Variants in SASH1 observed in about 807,000 individuals in gnomAD.
SASH1 encodes the protein SAM and SH3 domain-containing protein 1.
SASH1 carries 44 observed loss-of-function variants against 125.2 expected under a neutral mutation model. The observed-to-expected ratio is 0.35, with a 90% CI of 0.28 to 0.45. The LOEUF is 0.45. SASH1 is among the 20% of genes least tolerant of loss of function. The pLI is 1.00. For missense variants in SASH1, 1,426 were observed against 1,614.5 expected, an observed-to-expected ratio of 0.88 and a Z score of 2.00; for synonymous variants, 639 against 649.1, an observed-to-expected ratio of 0.98 and a Z score of 0.24.
intron 2 of SASH1, among the ~76,000 whole-genome samples, chr6:148,424,214 C>T (rs374649193): frequency 2.0e-5 from 3 of 150,576 alleles, no homozygotes; most frequent in Non-Finnish European, 4.4e-5. Flanking sequence ...CTTTTAGAGA[C>T]GGTGTCTTGT....
Position 148,543,928 on chromosome 6 carries a change from C to A in SASH1, c.2458C>A (p.Arg820=). 6.2e-7 allele frequency: 1 copy of A among 1,614,178 alleles called. No individual in the cohort carries two copies. Among genetic ancestry groups the A allele is most frequent in the South Asian group, 1.1e-5 (1 of 91,074 alleles). ...NRRSLPVSIC[R]SCETLEGPQT... Reference sequence around the variant, plus strand: ...AAGAAGCCTCCCAGTTTCCATCTGCCGGAGCTGTGAGACCCTGGAGGGCCC... The same window carrying A: ...AAGAAGCCTCCCAGTTTCCATCTGCAGGAGCTGTGAGACCCTGGAGGGCCC... Residue 820 remains arginine, a synonymous_variant, in exon 18 of 20, where the codon CGG becomes AGG. Transcript: ENST00000367467.
At chr6:148,276,276 G>T (rs1298642858) in intron 1 of SASH1, among the ~76,000 whole-genome samples, 1 of 152,184 alleles carries the variant, frequency 6.6e-6, no homozygotes, top group Non-Finnish European at 1.5e-5. Flanking sequence ...CAAAGTGAAA[G>T]ATAAATGTTA....
chr6:148,450,544 A>T (rs1359141374), intron 4 of SASH1, among the ~76,000 whole-genome samples: 3 of 150,150 alleles, frequency 2.0e-5, no homozygotes, highest in South Asian at 2.1e-4. Flanking sequence ...CTCTCCTTGG[A>T]CTCTAGTAGC....
the SASH1 span, among the ~76,000 whole-genome samples, chr6:148,235,148 G>C: frequency 6.6e-6 from 1 of 152,130 alleles, no homozygotes; most frequent in South Asian, 2.1e-4. Flanking sequence ...CGTGTCAATG[G>C]TAATCACATA....
chr6:148,437,724 A>G (rs1776354708), intron 2 of SASH1, among the ~76,000 whole-genome samples: 3 of 152,242 alleles, frequency 2.0e-5, no homozygotes, highest in Non-Finnish European at 2.9e-5. Context: ...GTTTCTTTAA[A>G]AAAAAAAATT....
intron 1 of SASH1, among the ~76,000 whole-genome samples, chr6:148,297,024 T>C (rs987993646): frequency 2.0e-5 from 3 of 152,210 alleles, no homozygotes; most frequent in African/African-American, 7.2e-5. Flanking sequence ...GAAGAGAATC[T>C]CTTTACTGTT....
At chr6:148,355,425 G>C (rs186593552) in intron 1 of SASH1, among the ~76,000 whole-genome samples, 38 of 152,316 alleles carry the variant, frequency 2.5e-4, no homozygotes, top group Middle Eastern at 3.4e-3. Context: ...GAGACTTCAT[G>C]ATGAGCATTA....
At chr6:148,472,364 T>C (rs981622331) in intron 6 of SASH1, among the ~76,000 whole-genome samples, 1 of 152,106 alleles carries the variant, frequency 6.6e-6, no homozygotes, top group Non-Finnish European at 1.5e-5. Context: ...GGTTCTTTTT[T>C]CAAGTTGTCC....
At chr6:148,407,807 A>G (rs924567722) in intron 2 of SASH1, among the ~76,000 whole-genome samples, 3 of 151,878 alleles carry the variant, frequency 2.0e-5, no homozygotes, top group Non-Finnish European at 4.4e-5. Flanking sequence ...TAATTTTTGT[A>G]TTTTTGGTAG....
At chr6:148,369,783 A>G (rs1381353573) in intron 1 of SASH1, among the ~76,000 whole-genome samples, 18 of 151,670 alleles carry the variant, frequency 1.2e-4, no homozygotes, top group Non-Finnish European at 1.5e-5. Flanking sequence ...GCGAAACCCC[A>G]TCTCTACTAA....
At chr6:148,324,567 C>A (rs1780746958) in intron 1 of SASH1, among the ~76,000 whole-genome samples, 1 of 152,160 alleles carries the variant, frequency 6.6e-6, no homozygotes, top group African/African-American at 2.4e-5. Context: ...TCCACTCCAG[C>A]CTTATAGCCA....
chr6:148,333,191 A>G (rs75357030), intron 1 of SASH1, among the ~76,000 whole-genome samples: 12,523 of 151,950 alleles, frequency 0.082, 557 homozygotes, highest in African/African-American at 0.11. Flanking sequence ...CTTTAGCCCA[A>G]GGAGTTCGAG....
intron 4 of SASH1, among the ~76,000 whole-genome samples, chr6:148,448,115 A>AGAGAGAGTGTGTGTGTGT (rs374141600): frequency 6.8e-6 from 1 of 146,816 alleles, no homozygotes; most frequent in Non-Finnish European, 1.5e-5. Flanking sequence ...CAGTGGAGAG[A>AGAGAGAGTGTGTGTGTGT]GTGTGTGTGT....
chr6:148,511,324 T>TACACACACACACACACACACAC (rs58822082), intron 8 of SASH1, among the ~76,000 whole-genome samples: 2 of 135,384 alleles, frequency 1.5e-5, no homozygotes, highest in African/African-American at 2.8e-5. Context: ...AATTTTCTAT[T>TACACACACACACACACACACAC]ACACACACAC....
chr6:148,339,246 G>A (rs1237508904), upstream of SASH1, among the ~76,000 whole-genome samples: 4 of 152,002 alleles, frequency 2.6e-5, no homozygotes, highest in East Asian at 7.7e-4. Context: ...GTTTCACCAT[G>A]TTGGCCAGGA....
intron 1 of SASH1, among the ~76,000 whole-genome samples, chr6:148,320,027 A>T (rs1780599567): frequency 1.3e-5 from 2 of 152,188 alleles, no homozygotes; most frequent in Non-Finnish European, 2.9e-5. Context: ...ATGGCCCCAA[A>T]GTACAAGAGC....
chr6:148,301,326 CA>C lies in SASH1; in HGVS notation n.74+28970del, dbSNP rs746767710. Among the ~76,000 whole-genome samples the C allele has an allele frequency of 6.8e-3, 680 of 99,658 alleles. 4 individuals carry two copies. The highest frequency in any genetic ancestry group is 0.019 in the African/African-American group (492 of 25,694). The allele number at this position is 99,658 out of a possible 152,430, so 65.4% of individuals were successfully genotyped here. Reference sequence around the variant, plus strand: ...GGGCAACAAGAGCAAAACTCCATCTCAAAAAAAAAAAAAAAAAAAAACTCTG... The same window carrying C: ...GGGCAACAAGAGCAAAACTCCATCTCAAAAAAAAAAAAAAAAAAAACTCTG... On this transcript the variant is annotated intron_variant and non_coding_transcript_variant, in intron 1 of 3. Transcript: ENST00000367469.
At chr6:148,357,058 G>A (rs1002344636) in intron 1 of SASH1, among the ~76,000 whole-genome samples, 4 of 152,160 alleles carry the variant, frequency 2.6e-5, no homozygotes, top group African/African-American at 9.6e-5. Flanking sequence ...TGATTTGTTT[G>A]AGTTCCTTGT....
At chr6:148,380,143 G>C (rs967173500) in intron 1 of SASH1, among the ~76,000 whole-genome samples, 3 of 152,166 alleles carry the variant, frequency 2.0e-5, no homozygotes, top group Admixed American at 6.5e-5. Context: ...GAGTTGTCTG[G>C]ACTCCTGCGT....
Sources: gnomAD v4.1 joint callset for allele counts (sites outside exome capture counted in the v4.1 genomes callset) on GRCh38, gnomAD v4.1.1 for gene constraint, MANE v1.5 for transcripts, NCBI Gene and HGNC (gene_info 2026-07-23, HGNC 2026-07-21) for gene names.